GRIK1: variants seen among roughly 807,000 people sequenced by gnomAD.
GRIK1 encodes glutamate receptor ionotropic, kainate 1.
In GRIK1, 69 loss-of-function variants were observed where a neutral mutation model predicts 105.7. The ratio of observed to expected loss-of-function variants is 0.65; its 90% CI spans 0.54 to 0.80. The LOEUF (loss-of-function observed/expected upper bound fraction) is 0.80. Among genes scored for constraint, GRIK1 ranks in the 30% least tolerant of loss-of-function variants. The pLI, the probability that GRIK1 is intolerant of heterozygous loss-of-function variation, is 0.00. For synonymous variants in GRIK1, 438 were observed against 431.3 expected, an observed-to-expected ratio of 1.02 and a Z score of -0.19; for missense variants, 1,109 against 1,167.3, an observed-to-expected ratio of 0.95 and a Z score of 0.73.
chr21:29,859,369 T>A (rs1290296815), intron 1 of GRIK1, among the ~76,000 whole-genome samples: 2 of 150,166 alleles, frequency 1.3e-5, no homozygotes, highest in Non-Finnish European at 3.0e-5. Context: ...AATAAAAAAG[T>A]ATATATATAT....
At chr21:29,873,931 C>T (rs1408458308) in intron 1 of GRIK1, among the ~76,000 whole-genome samples, 1 of 152,150 alleles carries the variant, frequency 6.6e-6, no homozygotes, top group Non-Finnish European at 1.5e-5. Flanking sequence ...GACCATCAGG[C>T]ATTATTAATT....
At chr21:29,862,345 G>A (rs977543487) in intron 1 of GRIK1, among the ~76,000 whole-genome samples, 1 of 151,980 alleles carries the variant, frequency 6.6e-6, no homozygotes, top group Non-Finnish European at 1.5e-5. Context: ...AATTCTTGTT[G>A]TAGGCTATTT....
intron 1 of GRIK1, among the ~76,000 whole-genome samples, chr21:29,756,788 T>C (rs761567782): frequency 5.9e-5 from 9 of 152,176 alleles, no homozygotes; most frequent in Non-Finnish European, 1.2e-4. Context: ...GAAAATTCTA[T>C]CATATTTGTT....
intron 1 of GRIK1, among the ~76,000 whole-genome samples, chr21:29,897,117 C>G (rs2070198142): frequency 6.6e-6 from 1 of 152,200 alleles, no homozygotes; most frequent in Non-Finnish European, 1.5e-5. Flanking sequence ...TACACACAAT[C>G]TCGACCTGAT....
intron 7 of GRIK1, among the ~76,000 whole-genome samples, chr21:29,623,992 A>G (rs1384355738): frequency 6.6e-6 from 1 of 152,222 alleles, no homozygotes; most frequent in African/African-American, 2.4e-5. Context: ...GTGTATAATG[A>G]TGCTATGATT....
intron 14 of GRIK1, among the ~76,000 whole-genome samples, chr21:29,569,535 A>G (rs758523283): frequency 6.6e-6 from 1 of 152,214 alleles, no homozygotes; most frequent in African/African-American, 2.4e-5. Context: ...ATATCCCAGC[A>G]TAAGATGTTG....
intron 1 of GRIK1, among the ~76,000 whole-genome samples, chr21:29,894,878 A>C (rs2070064961): frequency 6.6e-6 from 1 of 152,158 alleles, no homozygotes; most frequent in African/African-American, 2.4e-5. Context: ...CCTTCTCCTG[A>C]CAGATGGTAA....
chr21:29,823,542 C>T (rs1308961944), intron 1 of GRIK1, among the ~76,000 whole-genome samples: 2 of 151,736 alleles, frequency 1.3e-5, no homozygotes, highest in African/African-American at 4.8e-5. Context: ...TATGAAAAAC[C>T]ATAAGAACCA....
intron 1 of GRIK1, among the ~76,000 whole-genome samples, chr21:29,844,199 T>C (rs532335731): frequency 6.7e-6 from 1 of 149,730 alleles, no homozygotes; most frequent in Non-Finnish European, 1.5e-5. Context: ...GAATATGATT[T>C]AAAAAAAAAA....
In GRIK1 at chr21:29,687,038, C is replaced by T. The variant is rs541058689; in HGVS notation, c.544+2690G>A. On this transcript the variant is annotated intron_variant, in intron 3 of 17. Coordinates refer to ENST00000327783, the MANE Select transcript of GRIK1 (RefSeq NM_001330994.2). ...GAGAGAGAAGAGAGACGAGGCGAGA[C>T]GAAACTTTGCTCCTCCTAAGAGTTC... Among the ~76,000 whole-genome samples the T allele has an allele frequency of 3.3e-5, 5 of 152,286 alleles. No homozygotes were observed. In the South Asian group the frequency reaches 6.2e-4, roughly 19 times the overall value.
rs141530540 is a variant in GRIK1, at chr21:29,875,163, C to T, written c.118+64220G>A. Among the ~76,000 whole-genome samples the T allele has an allele frequency of 2.7e-3, 414 of 152,128 alleles. 1 individual carries two copies. The highest frequency in any genetic ancestry group is 9.4e-3 in the African/African-American group (389 of 41,490). On this transcript the variant is annotated intron_variant, in intron 1 of 17. Coordinates refer to ENST00000327783, the MANE Select transcript of GRIK1 (RefSeq NM_001330994.2). ...ATCAATACTCCTTTCTAATTATAGC[C>T]TGTCTACCTTAGACATCTGAGGACA...
At chr21:29,778,856 G>A (rs1484992406) in intron 1 of GRIK1, among the ~76,000 whole-genome samples, 3 of 152,118 alleles carry the variant, frequency 2.0e-5, no homozygotes, top group Non-Finnish European at 4.4e-5. Flanking sequence ...GAGATCATTG[G>A]CTTCTGGTCC....
intron 15 of GRIK1, among the ~76,000 whole-genome samples, chr21:29,560,425 CTTTCTTTCTTTCTTTT>C (rs2090415960): frequency 7.8e-6 from 1 of 128,132 alleles, no homozygotes; most frequent in Non-Finnish European, 1.6e-5. Context: ...TTCTTTCTTT[CTTTCTTTCTTTCTTTT>C]TCTTTCTCCC....
rs186815097 is a variant in GRIK1, at chr21:29,629,639, G to A, written c.1098+13187C>T. The stretch of plus-strand genomic sequence containing the variant: ...GGAGTAGCTGGGACTAGAGGCGCCC[G>A]CCACCACGCCCGGCTAATTTTTTGT... On this transcript the variant is annotated intron_variant, in intron 7 of 17. Coordinates refer to ENST00000327783, the MANE Select transcript of GRIK1 (RefSeq NM_001330994.2). 2.3e-3 allele frequency among the ~76,000 whole-genome samples: 355 copies of A among 152,110 alleles called. 10 individuals are homozygous for A. The highest frequency in any genetic ancestry group is 5.6e-4 in the Non-Finnish European group (38 of 67,990).
At chr21:29,638,200 T>C (rs965219978) in intron 7 of GRIK1, among the ~76,000 whole-genome samples, 23 of 152,084 alleles carry the variant, frequency 1.5e-4, no homozygotes, top group African/African-American at 5.6e-4. Context: ...TCACTCACAG[T>C]TCTGCATGGC....
intron 1 of GRIK1, among the ~76,000 whole-genome samples, chr21:29,805,671 A>G (rs1217451641): frequency 6.6e-6 from 1 of 152,124 alleles, no homozygotes; most frequent in Non-Finnish European, 1.5e-5. Context: ...GTTAGTGTAT[A>G]TAGGAGAGTA....
intron 16 of GRIK1, among the ~76,000 whole-genome samples, chr21:29,542,206 C>T (rs937859115): frequency 2.0e-4 from 31 of 152,262 alleles, no homozygotes; most frequent in Non-Finnish European, 4.0e-4. Context: ...TACTCTGATC[C>T]CTCCATGCTT....
rs147961720 is a variant in GRIK1 at position 29,604,887 on chromosome 21, T to G, written c.1099-5950A>C. On this transcript the variant is annotated intron_variant, in intron 7 of 17. Transcript: ENST00000327783. ...TAAAAGGTTTCATGAATATCTTATT[T>G]GTATATTCTTTCTCAAGATATTTAT... Among the ~76,000 whole-genome samples the G allele has an allele frequency of 2.9e-3, 441 of 152,356 alleles. 4 individuals are homozygous for G. The highest frequency in any genetic ancestry group is 9.9e-3 in the African/African-American group (411 of 41,590).
chr21:29,543,258 AG>A (rs1470203593), intron 16 of GRIK1, among the ~76,000 whole-genome samples: 1 of 152,126 alleles, frequency 6.6e-6, no homozygotes, highest in Non-Finnish European at 1.5e-5. Flanking sequence ...GGATGGTTTG[AG>A]GATACAGTCA....
Sources: allele counts gnomAD v4.1 joint callset (sites outside exome capture counted in the v4.1 genomes callset), GRCh38; gene constraint gnomAD v4.1.1; transcripts MANE v1.5; gene names NCBI Gene and HGNC (gene_info 2026-07-23, HGNC 2026-07-21).